The following GFM1 variants were observed in gnomAD, a reference collection of about 807,000 sequenced individuals.
GFM1 encodes the protein elongation factor G, mitochondrial.
Under a neutral mutation model 96.2 loss-of-function variants are expected in GFM1, and 62 were observed. The ratio of observed to expected loss-of-function variants is 0.64; its 90% CI spans 0.53 to 0.80. GFM1 has a LOEUF of 0.80. Among genes scored for constraint, GFM1 ranks in the 30% least tolerant of loss-of-function variants. The pLI, the probability that GFM1 is intolerant of heterozygous loss-of-function variation, is 0.00. For missense variants in GFM1, 852 were observed against 916.6 expected (o/e 0.93, Z 0.91); for synonymous variants, 282 against 312.9 (o/e 0.90, Z 1.04).
In GFM1 at chr3:158,669,023, C is replaced by T. The variant is rs762456290; in HGVS notation, c.1601+2637C>T. ...CTTGCTTGACAGTTTGAATTTTTACCATTTTATACCATGTGTCTTCAGTAG... is the reference window on the plus strand; with the variant it reads ...CTTGCTTGACAGTTTGAATTTTTACTATTTTATACCATGTGTCTTCAGTAG... On this transcript the variant is annotated intron_variant, in intron 13 of 17. Transcript: ENST00000486715. The T allele has an allele frequency of 5.0e-6, 8 of 1,611,796 alleles. No individual in the cohort carries two copies. In the South Asian group the frequency reaches 6.6e-5, roughly 13 times the overall value.
intron 13 of GFM1, among the ~76,000 whole-genome samples, chr3:158,675,241 A>T (rs1044556872): frequency 7.0e-6 from 1 of 142,414 alleles, no homozygotes; most frequent in Admixed American, 7.4e-5. Context: ...AGTGGAGATC[A>T]TGCCACTGCA....
rs1722983066 is a variant in GFM1 at position 158,658,989 on chromosome 3, T to C, written c.1151T>C (p.Ile384Thr). 6.2e-7 allele frequency: 1 copy of C among 1,614,148 alleles called. No individual in the cohort carries two copies. The highest frequency in any genetic ancestry group is 1.1e-5 in the South Asian group (1 of 91,090). ...GGAGAGCTAAAGAAGGGTGACACCA[T>C]CTATAACACAAGGACAAGAAAGAAA... ...YQGELKKGDTIYNTRTRKKVR... is the reference protein window; with the variant it reads ...YQGELKKGDTTYNTRTRKKVR... Residue 384 changes from isoleucine to threonine, a missense_variant, in exon 9 of 18, where the codon ATC becomes ACC. By Grantham distance (89) the Ile-to-Thr change is moderately conservative. Transcript: ENST00000486715.
At chr3:158,651,022 A>G (rs1722258000) in intron 5 of GFM1, 1 of 141,086 alleles carries the variant, frequency 7.1e-6, no homozygotes, top group Admixed American at 7.0e-5. Flanking sequence ...CTCCGTCTCA[A>G]AAAAAAAAAA....
rs547411633 is a variant in GFM1, at chr3:158,683,375, G to A, written c.1765-1149G>A. ...GGAAAAACTAACTTAAGTGGTAGGA[G>A]CTCCACAAGTATTTGTTAAGTGACT... On this transcript the variant is annotated intron_variant, in intron 14 of 17. Transcript: ENST00000486715. Among the ~76,000 whole-genome samples, 3 of 152,310 alleles carry A rather than the reference G, an allele frequency of 2.0e-5. No individual in the cohort carries two copies. The East Asian group carries it at 5.8e-4, about 29-fold the overall frequency.
chr3:158,669,219 T>C, intron 13 of GFM1: 1 of 1,392,232 alleles, frequency 7.2e-7, no homozygotes, highest in Non-Finnish European at 9.8e-7. Context: ...TGTCTTAGTT[T>C]CCTTCGAATG....
At chr3:158,652,039 A>T in intron 5 of GFM1, 57 bp from the exon 6 acceptor site, 2 of 1,392,674 alleles carry the variant, frequency 1.4e-6, no homozygotes, top group Non-Finnish European at 2.0e-6. Flanking sequence ...ATTTTTCATT[A>T]GTCCTTCATA....
At position 158,669,982 on chromosome 3, in the gene GFM1, C is replaced by T. The variant is rs183492859; in HGVS notation, c.1601+3596C>T. On this transcript the variant is annotated intron_variant, in intron 13 of 17. Coordinates refer to ENST00000486715, the MANE Select transcript of GFM1 (RefSeq NM_024996.7). ...GTTTTTCCATTACTCTTACTCTTTG[C>T]TCCTGAAATAACAAAGTTTTTGAAA... Among the ~76,000 whole-genome samples, 43 of 152,264 alleles carry T rather than the reference C, an allele frequency of 2.8e-4. 1 individual carries two copies. The highest frequency in any genetic ancestry group is 2.1e-3 in the Admixed American group (32 of 15,296).
chr3:158,686,160 ATATAT>A (rs1374137270), intron 15 of GFM1, among the ~76,000 whole-genome samples: 2 of 148,736 alleles, frequency 1.3e-5, no homozygotes, highest in African/African-American at 4.9e-5. Flanking sequence ...ATAATATGTT[ATATAT>A]TATATGTGTA....
intron 15 of GFM1, among the ~76,000 whole-genome samples, chr3:158,688,613 A>G (rs776898914): frequency 2.6e-5 from 4 of 152,114 alleles, no homozygotes; most frequent in African/African-American, 9.7e-5. Flanking sequence ...TATTAATTAC[A>G]TTTCTTTAGA....
rs766142379 is a variant in GFM1, at chr3:158,694,351, G to T, written c.*2884G>T. On this transcript the variant is annotated 3_prime_UTR_variant, in exon 18 of 18. Coordinates refer to ENST00000486715, the MANE Select transcript of GFM1 (RefSeq NM_024996.7). The stretch of plus-strand genomic sequence containing the variant: ...AGGAAAAGAAAACCAAATACTGCAT[G>T]TTCTCACTTATAAGTGGGAGCTAAA... Among the ~76,000 whole-genome samples, 14 of 152,154 alleles carry T rather than the reference G, an allele frequency of 9.2e-5. No homozygotes were observed. Among genetic ancestry groups the T allele is most frequent in the African/African-American group, 3.4e-4 (14 of 41,426 alleles).
In GFM1 at chr3:158,658,928, C is replaced by T. The variant is rs775919783; in HGVS notation, c.1090C>T (p.Arg364Ter). The T allele has an allele frequency of 4.3e-6, 7 of 1,613,866 alleles. No homozygotes were observed. Among genetic ancestry groups the T allele is most frequent in the South Asian group, 2.2e-5 (2 of 91,066 alleles). The change falls in exon 9 of 18, where the codon CGA becomes TGA. Residue 364 changes from arginine (R) to a stop codon, truncating the protein, a stop_gained. Coordinates refer to ENST00000486715, the MANE Select transcript of GFM1 (RefSeq NM_024996.7). LOFTEE classifies it high-confidence loss of function. The part of the protein sequence containing the change: ...VGLAFKLEVG[R>*]FGQLTYVRSY... ...ACCCAATCTTGACTTCTAGGTAGGT[C>T]GATTTGGACAATTAACTTATGTTCG...
At position 158,662,646 on chromosome 3, in the gene GFM1, G is replaced by A. The variant is rs1051102095; in HGVS notation, c.1342G>A (p.Asp448Asn). The A allele has an allele frequency of 2.5e-6, 4 of 1,598,952 alleles. No individual in the cohort carries two copies. Among genetic ancestry groups the A allele is most frequent in the Non-Finnish European group, 3.4e-6 (4 of 1,166,924 alleles). Residue 448 changes from aspartate to asparagine, a missense_variant, in exon 11 of 18, where the codon GAT becomes AAT. Asp to Asn is a conservative substitution (Grantham distance 23, BLOSUM62 1). Coordinates refer to ENST00000486715, the MANE Select transcript of GFM1 (RefSeq NM_024996.7). ...ATTTTAGGAGTCAATTCATGTTCCTGATCCTGTCATTTCAATAGCAATGAA... is the reference window on the plus strand; with the variant it reads ...ATTTTAGGAGTCAATTCATGTTCCTAATCCTGTCATTTCAATAGCAATGAA... ...GLSMESIHVP[D>N]PVISIAMKPS...
rs1726482110 is a variant in GFM1 at position 158,694,517 on chromosome 3, CAACAA to C, written c.*3052_*3056del. Among the ~76,000 whole-genome samples, 3 of 152,068 alleles carry C rather than the reference CAACAA, an allele frequency of 2.0e-5. No individual in the cohort carries two copies. The South Asian group carries it at 6.2e-4, about 32-fold the overall frequency. On this transcript the variant is annotated 3_prime_UTR_variant, in exon 18 of 18. Transcript: ENST00000486715. Reference sequence around the variant, plus strand: ...TACCTTGATGATGAAATAATCTGTACAACAAACCCCCAGGACACAAGTTTAGCTAT... The same window carrying C: ...TACCTTGATGATGAAATAATCTGTACACCCCCAGGACACAAGTTTAGCTAT...
At chr3:158,677,422 T>A (rs780144681) in intron 13 of GFM1, among the ~76,000 whole-genome samples, 7 of 152,248 alleles carry the variant, frequency 4.6e-5, no homozygotes, top group Non-Finnish European at 1.0e-4. Context: ...AAGCAGCAAG[T>A]GCTGATGTGG....
intron 15 of GFM1, chr3:158,685,412 G>A (rs377762021): frequency 6.6e-6 from 1 of 152,174 alleles, no homozygotes. Context: ...GTCCACCGGT[G>A]TCTTTACACA....
rs1262289605 is a variant in GFM1 at position 158,690,308 on chromosome 3, T to C, written c.2055T>C (p.Phe685=). ...ITGQDGVEDY[F]TLYADVPLND... is the part of the protein sequence containing the mutation. ...GGCAAGATGGAGTTGAGGACTATTT[T>C]ACACTGTATGCAGATGTAAGTAGTC... Residue 685 remains phenylalanine, a synonymous_variant, in exon 16 of 18, where the codon TTT becomes TTC. Coordinates refer to ENST00000486715, the MANE Select transcript of GFM1 (RefSeq NM_024996.7). 5 of 1,613,850 alleles carry C rather than the reference T, an allele frequency of 3.1e-6. No individual in the cohort carries two copies. Among genetic ancestry groups the C allele is most frequent in the Non-Finnish European group, 4.2e-6 (5 of 1,179,826 alleles).
chr3:158,649,445 G>C (rs1398421315), intron 5 of GFM1: 1 of 297,508 alleles, frequency 3.4e-6, no homozygotes, highest in Non-Finnish European at 6.4e-6. Context: ...ATTTGGGTTA[G>C]TGAATGTATT....
chr3:158,670,308 C>T lies in GFM1; in HGVS notation c.1601+3922C>T, dbSNP rs575357463. ...GGTATCAGCTGGCATTCTATTGCTT[C>T]TGAATATCTAAGAGCACGTTCTTTC... On this transcript the variant is annotated intron_variant, in intron 13 of 17. Transcript: ENST00000486715. Among the ~76,000 whole-genome samples, 13 of 152,268 alleles carry T rather than the reference C, an allele frequency of 8.5e-5. No homozygotes were observed. The East Asian group carries it at 2.3e-3, about 27-fold the overall frequency.
At chr3:158,644,947 A>G in intron 1 of GFM1, 1 of 481,234 alleles carries the variant, frequency 2.1e-6, no homozygotes. Flanking sequence ...TCTGTCACTC[A>G]GATACTTTGA....
Sources: gnomAD v4.1 joint callset for allele counts (sites outside exome capture counted in the v4.1 genomes callset) on GRCh38, gnomAD v4.1.1 for gene constraint, MANE v1.5 for transcripts, NCBI Gene and HGNC (gene_info 2026-07-23, HGNC 2026-07-21) for gene names.